The following STX8 variants were observed in gnomAD, a reference collection of about 807,000 sequenced individuals.
STX8 encodes the protein syntaxin 8.
In STX8, 23 loss-of-function variants were observed where a neutral mutation model predicts 37.5. That is an observed-to-expected ratio of 0.61 (90% CI 0.44 to 0.87). The LOEUF (loss-of-function observed/expected upper bound fraction) is 0.87, where lower values mean the gene tolerates loss of function less well. STX8 is among the 40% of genes least tolerant of loss of function. STX8 has a pLI of 0.00. For synonymous variants in STX8, 115 were observed against 99.1 expected, an observed-to-expected ratio of 1.16 and a Z score of -0.95; for missense variants, 313 against 284.7, an observed-to-expected ratio of 1.10 and a Z score of -0.71.
intron 6 of STX8, among the ~76,000 whole-genome samples, chr17:9,458,923 G>A (rs145299499): frequency 0.016 from 2,395 of 151,096 alleles, 62 homozygotes; most frequent in African/African-American, 0.055. Context: ...TCCACCTCCC[G>A]GGTTCACGCC....
At chr17:9,443,126 T>C (rs928579107) in intron 6 of STX8, among the ~76,000 whole-genome samples, 3 of 152,218 alleles carry the variant, frequency 2.0e-5, no homozygotes, top group Non-Finnish European at 2.9e-5. Flanking sequence ...AAGATAATCA[T>C]GCCCTTCTGT....
At chr17:9,402,317 C>T (rs1415692551) in intron 6 of STX8, among the ~76,000 whole-genome samples, 1 of 152,070 alleles carries the variant, frequency 6.6e-6, no homozygotes, top group Non-Finnish European at 1.5e-5. Flanking sequence ...GACGGGGTTT[C>T]TCCATGTTGG....
chr17:9,510,781 A>T (rs958446144), intron 4 of STX8, among the ~76,000 whole-genome samples: 25 of 152,116 alleles, frequency 1.6e-4, no homozygotes, highest in Admixed American at 1.4e-3. Context: ...GGAGAAATAA[A>T]TGAAATTGAA....
At chr17:9,354,842 C>T (rs1910826386) in intron 7 of STX8, among the ~76,000 whole-genome samples, 1 of 152,146 alleles carries the variant, frequency 6.6e-6, no homozygotes, top group East Asian at 1.9e-4. Context: ...TTCTCTTGGT[C>T]TGTTGTGCAG....
intron 7 of STX8, among the ~76,000 whole-genome samples, chr17:9,251,916 C>A (rs1033936841): frequency 6.6e-6 from 1 of 152,208 alleles, no homozygotes; most frequent in African/African-American, 2.4e-5. Context: ...GTAATCCCAG[C>A]ACTTTGGGAG....
chr17:9,546,590 G>A (rs1246515447), intron 3 of STX8, among the ~76,000 whole-genome samples: 3 of 62,218 alleles, frequency 4.8e-5, no homozygotes, highest in Non-Finnish European at 8.9e-5. Flanking sequence ...CTACAAAAGT[G>A]GTTTTTTTTT....
chr17:9,478,720 G>C (rs1258968162), intron 6 of STX8, among the ~76,000 whole-genome samples: 1 of 152,162 alleles, frequency 6.6e-6, no homozygotes, highest in Non-Finnish European at 1.5e-5. Context: ...GTCACTTGCT[G>C]TTTTCCAGCC....
At chr17:9,450,902 T>C (rs1337733344) in intron 6 of STX8, among the ~76,000 whole-genome samples, 1 of 152,132 alleles carries the variant, frequency 6.6e-6, no homozygotes, top group African/African-American at 2.4e-5. Flanking sequence ...TTTTGCAGCC[T>C]TCCTCCATAA....
Position 9,301,852 on chromosome 17 carries a change from A to T in STX8, c.644-51207T>A, listed in dbSNP as rs1055593769. ...GCTATTGTTTTAGGTAGGGCATTTT[A>T]GGGTAACTATATTCATAAGTGAGAC... On this transcript the variant is annotated intron_variant, in intron 7 of 7. Coordinates refer to ENST00000306357, the MANE Select transcript of STX8 (RefSeq NM_004853.3). Among the ~76,000 whole-genome samples the T allele has an allele frequency of 4.6e-5, 7 of 152,154 alleles. 1 individual carries two copies. The highest frequency in any genetic ancestry group is 3.9e-4 in the Admixed American group (6 of 15,272).
intron 3 of STX8, chr17:9,555,318 C>A (rs1906922535): frequency 6.6e-6 from 1 of 152,096 alleles, no homozygotes; most frequent in Non-Finnish European, 1.5e-5. Flanking sequence ...ATTCTTAGTA[C>A]TCTCTAATAA....
At chr17:9,451,657 AAATG>A (rs1166107670) in intron 6 of STX8, among the ~76,000 whole-genome samples, 3 of 152,192 alleles carry the variant, frequency 2.0e-5, no homozygotes, top group South Asian at 2.1e-4. Flanking sequence ...TTTCAATAAA[AAATG>A]AATATTTAAA....
chr17:9,537,151 AAGC>A (rs1390163669), intron 4 of STX8, among the ~76,000 whole-genome samples: 1 of 152,260 alleles, frequency 6.6e-6, no homozygotes, highest in Non-Finnish European at 1.5e-5. Flanking sequence ...CTCAAGAAGA[AAGC>A]AGCAAGGCTG....
intron 5 of STX8, among the ~76,000 whole-genome samples, chr17:9,503,209 C>T (rs1904689849): frequency 6.6e-6 from 1 of 151,330 alleles, no homozygotes; most frequent in African/African-American, 2.4e-5. Flanking sequence ...GCCCCTTCTT[C>T]CCCAAAAGGT....
chr17:9,258,468 G>GACACACA (rs2142123351), intron 7 of STX8, among the ~76,000 whole-genome samples: 1 of 152,346 alleles, frequency 6.6e-6, no homozygotes, highest in East Asian at 1.9e-4. Flanking sequence ...CAGGGGCTGT[G>GACACACA]TGTGCTCTGC....
intron 6 of STX8, among the ~76,000 whole-genome samples, chr17:9,465,353 G>A (rs1057111853): frequency 1.3e-5 from 2 of 152,150 alleles, no homozygotes; most frequent in Non-Finnish European, 2.9e-5. Context: ...ACGTGCTGCT[G>A]TCTCCTGGCT....
intron 6 of STX8, among the ~76,000 whole-genome samples, chr17:9,426,794 A>C (rs1913647766): frequency 1.3e-5 from 2 of 152,098 alleles, no homozygotes; most frequent in Non-Finnish European, 2.9e-5. Flanking sequence ...GATGGTGGTA[A>C]AATTTATCCT....
chr17:9,267,916 G>T (rs141450031), intron 7 of STX8, among the ~76,000 whole-genome samples: 1 of 151,678 alleles, frequency 6.6e-6, no homozygotes, highest in East Asian at 1.9e-4. Context: ...ACTTGAACCC[G>T]GGAGGCGGAG....
chr17:9,352,216 C>A (rs1910730156), intron 7 of STX8, among the ~76,000 whole-genome samples: 1 of 151,256 alleles, frequency 6.6e-6, no homozygotes, highest in African/African-American at 2.4e-5. Context: ...TTGTCATACT[C>A]CTGGTGATGC....
chr17:9,438,785 C>T lies in STX8; in HGVS notation c.541+53044G>A, dbSNP rs369202109. Among the ~76,000 whole-genome samples, 12 of 152,044 alleles carry T rather than the reference C, an allele frequency of 7.9e-5. No individual in the cohort carries two copies. In the East Asian group the frequency reaches 9.6e-4, roughly 12 times the overall value. ...TCTATTAAAAATACAAAAAATTAGC[C>T]GGGCGGTGGTGGTGGCGCCTGTAGT... On this transcript the variant is annotated intron_variant, in intron 6 of 7. Transcript: ENST00000306357.
Sources: allele counts gnomAD v4.1 joint callset (sites outside exome capture counted in the v4.1 genomes callset), GRCh38; gene constraint gnomAD v4.1.1; transcripts MANE v1.5; gene names NCBI Gene and HGNC (gene_info 2026-07-23, HGNC 2026-07-21).